The following RALYL variants were observed in gnomAD, a reference collection of about 807,000 sequenced individuals.
The protein encoded by RALYL is RNA-binding Raly-like protein.
A neutral mutation model predicts 35.1 loss-of-function variants in RALYL; 29 were observed. That is an observed-to-expected ratio of 0.83 (90% confidence interval 0.61 to 1.13). The LOEUF is 1.13. RALYL is among the 50% of genes most tolerant of loss of function. RALYL has a pLI of 0.00. For missense variants in RALYL, 359 were observed against 360.4 expected (o/e 1.00, Z 0.03); for synonymous variants, 120 against 127.6 (o/e 0.94, Z 0.40).
intron 2 of RALYL, among the ~76,000 whole-genome samples, chr8:84,561,526 CAAT>C (rs1311173377): frequency 3.9e-5 from 6 of 151,900 alleles, no homozygotes; most frequent in African/African-American, 7.2e-5. Context: ...ACATACATAA[CAAT>C]AATAATCTTC....
At chr8:84,497,944 G>A (rs2056248086) in intron 1 of RALYL, among the ~76,000 whole-genome samples, 1 of 123,822 alleles carries the variant, frequency 8.1e-6, no homozygotes, top group Admixed American at 9.3e-5. Flanking sequence ...CCCAGCCTAA[G>A]GTTGCTTTTT....
At chr8:84,204,251 G>GA (rs532660952) in intron 1 of RALYL, among the ~76,000 whole-genome samples, 44 of 146,134 alleles carry the variant, frequency 3.0e-4, no homozygotes, top group East Asian at 5.9e-4. Flanking sequence ...CTCTAGCTCA[G>GA]AAAAAAAAAA....
chr8:84,200,090 T>C (rs968557818), intron 1 of RALYL, among the ~76,000 whole-genome samples: 1 of 152,174 alleles, frequency 6.6e-6, no homozygotes, highest in Admixed American at 6.5e-5. Flanking sequence ...TATATTCTTA[T>C]GATTCAACCT....
intron 2 of RALYL, among the ~76,000 whole-genome samples, chr8:84,674,598 C>T (rs1833850956): frequency 6.6e-6 from 1 of 152,132 alleles, no homozygotes; most frequent in Non-Finnish European, 1.5e-5. Flanking sequence ...AAGATGTACA[C>T]TCTGGATGAT....
At chr8:84,541,523 T>A (rs1304968587) in intron 2 of RALYL, among the ~76,000 whole-genome samples, 1 of 152,154 alleles carries the variant, frequency 6.6e-6, no homozygotes, top group East Asian at 1.9e-4. Context: ...TATATGCAGT[T>A]GACACACAGT....
chr8:84,653,345 C>A (rs538986795), intron 2 of RALYL, among the ~76,000 whole-genome samples: 3 of 152,110 alleles, frequency 2.0e-5, no homozygotes, highest in South Asian at 2.1e-4. Flanking sequence ...GGGCAAAAAG[C>A]ACCTACATGG....
At chr8:84,233,640 A>G (rs1370941972) in intron 1 of RALYL, among the ~76,000 whole-genome samples, 2 of 152,020 alleles carry the variant, frequency 1.3e-5, no homozygotes, top group African/African-American at 4.8e-5. Flanking sequence ...TTTTGGGTGA[A>G]CTTTCCTTTT....
chr8:84,879,706 A>C (rs1352239116), intron 7 of RALYL, among the ~76,000 whole-genome samples: 1 of 152,106 alleles, frequency 6.6e-6, no homozygotes, highest in East Asian at 1.9e-4. Context: ...TTTCCATAGC[A>C]AGCTTGTAGA....
intron 2 of RALYL, among the ~76,000 whole-genome samples, chr8:84,701,077 G>T (rs1207055349): frequency 6.6e-6 from 1 of 152,088 alleles, no homozygotes; most frequent in Non-Finnish European, 1.5e-5. Flanking sequence ...GTAAGAGAAG[G>T]GTCCCACCCA....
intron 2 of RALYL, chr8:84,679,139 A>G: frequency 5.1e-6 from 1 of 196,954 alleles, no homozygotes; most frequent in East Asian, 1.4e-4. Flanking sequence ...TACATTGTCA[A>G]TGTGGAGCAG....
At chr8:84,195,943 A>C (rs1815167250) in intron 1 of RALYL, among the ~76,000 whole-genome samples, 1 of 152,232 alleles carries the variant, frequency 6.6e-6, no homozygotes, top group Non-Finnish European at 1.5e-5. Context: ...TTTAATATGA[A>C]GTCTATTGTT....
chr8:84,756,161 C>T (rs887937624), intron 2 of RALYL, among the ~76,000 whole-genome samples: 4 of 151,730 alleles, frequency 2.6e-5, no homozygotes, highest in African/African-American at 4.8e-5. Context: ...TATTTCTCAT[C>T]CCCCCCAAAA....
intron 8 of RALYL, among the ~76,000 whole-genome samples, chr8:84,897,932 C>T (rs570018807): frequency 6.6e-6 from 1 of 152,198 alleles, no homozygotes; most frequent in South Asian, 2.1e-4. Context: ...GTCATACAAT[C>T]GGGTGTAGGA....
chr8:84,196,806 T>C (rs1003825782), intron 1 of RALYL, among the ~76,000 whole-genome samples: 4 of 152,230 alleles, frequency 2.6e-5, no homozygotes, highest in Non-Finnish European at 4.4e-5. Flanking sequence ...TAAATAGAAA[T>C]CCATTGAAGT....
chr8:84,721,960 TC>T (rs1236481722), intron 2 of RALYL, among the ~76,000 whole-genome samples: 2 of 152,114 alleles, frequency 1.3e-5, no homozygotes, highest in Non-Finnish European at 2.9e-5. Context: ...TGACCTCATT[TC>T]CGAAGCATTT....
intron 2 of RALYL, among the ~76,000 whole-genome samples, chr8:84,677,609 A>G (rs2131912904): frequency 6.6e-6 from 1 of 152,352 alleles, no homozygotes; most frequent in South Asian, 2.1e-4. Flanking sequence ...AACTGGAAAT[A>G]GAAAAGAATA....
chr8:84,753,894 G>T lies in RALYL; in HGVS notation c.257-20685G>T, dbSNP rs540222371. Among the ~76,000 whole-genome samples, 193 of 152,248 alleles carry T rather than the reference G, an allele frequency of 1.3e-3. 1 individual carries two copies. Among genetic ancestry groups the T allele is most frequent in the Non-Finnish European group, 2.4e-3 (163 of 68,016 alleles). On this transcript the variant is annotated intron_variant, in intron 2 of 8. Coordinates refer to ENST00000521268, the MANE Select transcript of RALYL (RefSeq NM_173848.7). ...TTGCATTTCTCTGATGGCTAGTGAT[G>T]ATGAGCATTTTTTCATGTGTTTTTT...
intron 1 of RALYL, among the ~76,000 whole-genome samples, chr8:84,290,596 G>A (rs1299732533): frequency 2.6e-5 from 4 of 152,184 alleles, no homozygotes; most frequent in Admixed American, 2.6e-4. Flanking sequence ...GGCAAGGACC[G>A]CCCATTTACA....
chr8:84,554,509 C>A (rs1303046186), intron 2 of RALYL, among the ~76,000 whole-genome samples: 1 of 152,042 alleles, frequency 6.6e-6, no homozygotes, highest in Non-Finnish European at 1.5e-5. Context: ...TTAAAACATT[C>A]CAAGTTATAT....
Sources: gnomAD v4.1 joint callset for allele counts (sites outside exome capture counted in the v4.1 genomes callset) on GRCh38, gnomAD v4.1.1 for gene constraint, MANE v1.5 for transcripts, NCBI Gene and HGNC (gene_info 2026-07-23, HGNC 2026-07-21) for gene names.